The following DDX60L variants were observed in gnomAD, a reference collection of about 807,000 sequenced individuals.
The protein encoded by DDX60L is probable ATP-dependent RNA helicase DDX60-like.
DDX60L carries 191 observed loss-of-function variants against 211.6 expected under a neutral mutation model. That is an observed-to-expected ratio of 0.90 (90% CI 0.80 to 1.02). The LOEUF (loss-of-function observed/expected upper bound fraction) is 1.02. DDX60L is among the 50% of genes least tolerant of loss of function. The pLI, the probability that DDX60L is intolerant of heterozygous loss-of-function variation, is 0.00. For synonymous variants in DDX60L, 706 were observed against 694.1 expected (o/e 1.02, Z -0.27); for missense variants, 2,007 against 1,984.1 (o/e 1.01, Z -0.22).
chr4:168,465,086 A>C (rs1439356930), intron 4 of DDX60L, among the ~76,000 whole-genome samples: 3 of 151,958 alleles, frequency 2.0e-5, no homozygotes, highest in Admixed American at 6.6e-5. Flanking sequence ...TGTTTTCCAT[A>C]ATTACTGAAT....
In DDX60L at chr4:168,437,616, C is replaced by T. The variant is rs544976690; in HGVS notation, c.1294+3721G>A. 2.6e-5 allele frequency among the ~76,000 whole-genome samples: 4 copies of T among 152,242 alleles called. No individual in the cohort carries two copies. The South Asian group carries it at 8.3e-4, about 32-fold the overall frequency. On this transcript the variant is annotated intron_variant, in intron 10 of 37. Coordinates refer to ENST00000682922, the MANE Select transcript of DDX60L (RefSeq NM_001012967.3). ...TCTCCTCCCTCTTGCAGTTTAGACA[C>T]AAAAACTGACTAGCGTTAATGTTAA...
intron 10 of DDX60L, among the ~76,000 whole-genome samples, chr4:168,439,272 G>C (rs1291289058): frequency 6.6e-6 from 1 of 152,006 alleles, no homozygotes. Flanking sequence ...TTGTAGATGG[G>C]CTTAAAGACT....
Position 168,358,196 on chromosome 4 carries a change from T to A in DDX60L, c.5072A>T (p.Glu1691Val). 2 of 1,606,354 alleles carry A rather than the reference T, an allele frequency of 1.2e-6. No individual in the cohort carries two copies. Among genetic ancestry groups the A allele is most frequent in the Non-Finnish European group, 1.7e-6 (2 of 1,176,416 alleles). Residue 1691 changes from glutamate to valine, a missense_variant, in exon 38 of 38, where the codon GAG becomes GTG. Physicochemically the swap from Glu to Val is moderately radical, Grantham distance 121 (BLOSUM62 -2). Coordinates refer to ENST00000682922, the MANE Select transcript of DDX60L (RefSeq NM_001012967.3). ...AFKQLSQTFY[E>V]KLQEMQIQMS... Reference sequence around the variant, plus strand: ...TTGAATTTGCATTTCTTGAAGTTTCTCATAAAAGGTTTGACTCAATTGTTT... The same window carrying A: ...TTGAATTTGCATTTCTTGAAGTTTCACATAAAAGGTTTGACTCAATTGTTT...
intron 1 of DDX60L, among the ~76,000 whole-genome samples, chr4:168,479,519 G>C (rs1760097534): frequency 1.3e-5 from 2 of 152,082 alleles, no homozygotes; most frequent in African/African-American, 2.4e-5. Flanking sequence ...TAATCCTTAA[G>C]GCCCCATCAC....
At chr4:168,406,817 G>T in intron 22 of DDX60L, 111 bp from the exon 23 acceptor site, 1 of 784,914 alleles carries the variant, frequency 1.3e-6, no homozygotes, top group Non-Finnish European at 2.0e-6. Flanking sequence ...GTGAATCCAG[G>T]GACATTAAAA....
intron 36 of DDX60L, among the ~76,000 whole-genome samples, chr4:168,368,913 T>C (rs1731030182): frequency 6.6e-6 from 1 of 152,250 alleles, no homozygotes; most frequent in South Asian, 2.1e-4. Flanking sequence ...CCAATCCTCA[T>C]ACCCCCACTG....
Position 168,400,825 on chromosome 4 carries a change from C to T in DDX60L, c.3491+1G>A. 9 of 1,608,268 alleles carry T rather than the reference C, an allele frequency of 5.6e-6. No homozygotes were observed. The highest frequency in any genetic ancestry group is 7.6e-6 in the Non-Finnish European group (9 of 1,177,376). ...TTGTTTAAGTAAACATTAATACTTA[C>T]ATCCTTTTCTGTGTCTTCCTCACTT... On this transcript the variant is annotated splice_donor_variant, in intron 26 of 37. Coordinates refer to ENST00000682922, the MANE Select transcript of DDX60L (RefSeq NM_001012967.3). LOFTEE classifies it high-confidence loss of function.
intron 4 of DDX60L, among the ~76,000 whole-genome samples, chr4:168,471,018 T>C (rs1043786614): frequency 2.6e-5 from 4 of 152,294 alleles, no homozygotes; most frequent in Admixed American, 6.5e-5. Flanking sequence ...CTCAATGTAC[T>C]GGTAAATACT....
In DDX60L at chr4:168,419,277, A is replaced by C; in HGVS notation, c.2610+25T>G. 2.0e-6 allele frequency: 3 copies of C among 1,524,798 alleles called. No individual in the cohort carries two copies. The East Asian group carries it at 7.0e-5, about 36-fold the overall frequency. 94.5% of individuals were successfully genotyped at this position (1,524,798 alleles called of 1,614,324 possible). On this transcript the variant is annotated intron_variant, in intron 19 of 37. Coordinates refer to ENST00000682922, the MANE Select transcript of DDX60L (RefSeq NM_001012967.3). ...AGGGTGTATGCAGACTAGAACATCA[A>C]CCAGAGAACTAACACCAAACCTACC...
chr4:168,369,489 A>AAAAAC (rs749606498), intron 36 of DDX60L, among the ~76,000 whole-genome samples: 4 of 5,242 alleles, frequency 7.6e-4, no homozygotes, highest in African/African-American at 6.2e-3. Flanking sequence ...AAAACAAAAA[A>AAAAAC]AAAAAAACAG....
At chr4:168,432,202 G>T (rs1752452825) in intron 12 of DDX60L, among the ~76,000 whole-genome samples, 2 of 150,410 alleles carry the variant, frequency 1.3e-5, no homozygotes, top group Non-Finnish European at 3.0e-5. Flanking sequence ...CAGACAGCAT[G>T]CTTCCTACTG....
At chr4:168,404,566 A>G (rs1747411857) in intron 24 of DDX60L, among the ~76,000 whole-genome samples, 1 of 152,192 alleles carries the variant, frequency 6.6e-6, no homozygotes, top group African/African-American at 2.4e-5. Context: ...AATAGTATAC[A>G]GACATGTTTA....
chr4:168,433,840 C>T lies in DDX60L; in HGVS notation c.1295-725G>A, dbSNP rs565634106. Among the ~76,000 whole-genome samples, 11 of 152,236 alleles carry T rather than the reference C, an allele frequency of 7.2e-5. No individual in the cohort carries two copies. In the East Asian group the frequency reaches 1.3e-3, roughly 19 times the overall value. ...AAATATTTTTAATGAGGATATGATG[C>T]CAGTAAACTCAGTTCTTGTGCATCT... On this transcript the variant is annotated intron_variant, in intron 10 of 37. Transcript: ENST00000682922.
At chr4:168,390,399 T>C (rs1744593119) in intron 29 of DDX60L, 2 of 1,268,752 alleles carry the variant, frequency 1.6e-6, no homozygotes, top group Non-Finnish European at 9.9e-7. Flanking sequence ...TCTATAGCTA[T>C]ACTTGAGAAA....
chr4:168,359,197 T>C (rs1407175294), intron 37 of DDX60L, among the ~76,000 whole-genome samples: 1 of 152,220 alleles, frequency 6.6e-6, no homozygotes, highest in Non-Finnish European at 1.5e-5. Flanking sequence ...TTCAGTTTTT[T>C]ACTAGTCCTC....
At chr4:168,439,555 C>T (rs538726240) in intron 10 of DDX60L, among the ~76,000 whole-genome samples, 1 of 152,306 alleles carries the variant, frequency 6.6e-6, no homozygotes, top group Non-Finnish European at 1.5e-5. Context: ...CCTACTAGTT[C>T]TGTGTATCTG....
chr4:168,437,956 C>T (rs1273136796), intron 10 of DDX60L, among the ~76,000 whole-genome samples: 1 of 152,196 alleles, frequency 6.6e-6, no homozygotes, highest in East Asian at 1.9e-4. Context: ...TCACTGCAAC[C>T]TCCAACTCCT....
intron 22 of DDX60L, among the ~76,000 whole-genome samples, chr4:168,410,988 G>A (rs1307924478): frequency 2.0e-5 from 3 of 152,166 alleles, no homozygotes; most frequent in Non-Finnish European, 2.9e-5. Context: ...CAAAGAACCC[G>A]AATTAGAACT....
In DDX60L at chr4:168,400,865, T is replaced by C. The variant is rs752251571; in HGVS notation, c.3452A>G (p.Asp1151Gly). Residue 1151 changes from aspartate (D) to glycine (G), a missense_variant, in exon 26 of 38, where the codon GAT (aspartate) becomes GGT (glycine). Physicochemically the swap from Asp to Gly is moderately conservative, Grantham distance 94. Transcript: ENST00000682922. ...TECHSYVFAI[D>G]EVLEKVRKTQ... ...CTTCCTCACTTTTTCAAGTACTTCATCTATTGCAAAGACATAACTATGACA... is the reference window on the plus strand; with the variant it reads ...CTTCCTCACTTTTTCAAGTACTTCACCTATTGCAAAGACATAACTATGACA... 6.2e-7 allele frequency: 1 copy of C among 1,613,296 alleles called. No individual in the cohort carries two copies. The highest frequency in any genetic ancestry group is 1.7e-5 in the Admixed American group (1 of 59,926).
Sources: gnomAD v4.1 joint callset for allele counts (sites outside exome capture counted in the v4.1 genomes callset) on GRCh38, gnomAD v4.1.1 for gene constraint, MANE v1.5 for transcripts, NCBI Gene and HGNC (gene_info 2026-07-23, HGNC 2026-07-21) for gene names.